DOCK4: variants seen among roughly 807,000 people sequenced by gnomAD.
The protein encoded by DOCK4 is dedicator of cytokinesis protein 4.
Under a neutral mutation model 268.1 loss-of-function variants are expected in DOCK4, and 97 were observed. The ratio of observed to expected loss-of-function variants is 0.36; its 90% CI spans 0.31 to 0.43. The LOEUF (loss-of-function observed/expected upper bound fraction) is 0.43. Among genes scored for constraint, DOCK4 ranks in the 20% least tolerant of loss-of-function variants. The probability of loss-of-function intolerance (pLI) is 1.00; values close to 1 mark genes in which losing one functional copy is unlikely to be tolerated. For missense variants in DOCK4, 2,145 were observed against 2,455.7 expected (o/e 0.87, Z 2.67); for synonymous variants, 954 against 887.2 (o/e 1.08, Z -1.34).
At chr7:111,929,895 T>G (rs538849522) in intron 12 of DOCK4, among the ~76,000 whole-genome samples, 1 of 152,326 alleles carries the variant, frequency 6.6e-6, no homozygotes, top group South Asian at 2.1e-4. Context: ...ATGAAAAGAC[T>G]TTGAAGTTTC....
rs1215419756 is a variant in DOCK4, at chr7:111,735,133, G to T, written c.5340C>A (p.Asp1780Glu). The T allele has an allele frequency of 1.3e-6, 2 of 1,598,076 alleles. No individual in the cohort carries two copies. The highest frequency in any genetic ancestry group is 1.7e-6 in the Non-Finnish European group (2 of 1,171,918). ...ACATGTTCTTGGCTTCCTTCCCACTGTCCAGGCTCCAGCTGCTAGGGGTGG... is the reference window on the plus strand; with the variant it reads ...ACATGTTCTTGGCTTCCTTCCCACTTTCCAGGCTCCAGCTGCTAGGGGTGG... ...VNPTPSSWSL[D>E]SGKEAKNMSD... The change falls in exon 51 of 53, where the codon GAC becomes GAA. Residue 1780 changes from aspartate (D) to glutamate (E), a missense_variant. Asp to Glu is a conservative substitution (Grantham distance 45). This residue lies in a region of DOCK4 where 547 missense variants were observed against 469.0 expected (regional missense o/e 1.17). Coordinates refer to ENST00000428084, the MANE Select transcript of DOCK4 (RefSeq NM_001363540.2).
intron 1 of DOCK4, among the ~76,000 whole-genome samples, chr7:112,028,071 C>G (rs182576764): frequency 6.6e-6 from 1 of 152,018 alleles, no homozygotes; most frequent in Admixed American, 6.5e-5. Flanking sequence ...TTTTAAATGA[C>G]GAAAAGGATA....
At chr7:112,099,609 A>C (rs1249643796) in intron 1 of DOCK4, among the ~76,000 whole-genome samples, 2 of 152,202 alleles carry the variant, frequency 1.3e-5, no homozygotes, top group East Asian at 1.9e-4. Flanking sequence ...AAAATTGATA[A>C]GTTGATTGAC....
chr7:112,052,464 C>A (rs983253207), intron 1 of DOCK4, among the ~76,000 whole-genome samples: 2 of 152,060 alleles, frequency 1.3e-5, no homozygotes, highest in Admixed American at 6.6e-5. Context: ...TTCTTCCCCC[C>A]CTCACTTCGG....
rs201030656 is a variant in DOCK4 at position 111,755,546 on chromosome 7, G to C, written c.4385C>G (p.Ser1462Cys). ...ACGCTTTTCCACTTCAAACCAGCGAGAGATGCCAGGCAAACTCTGCACCAA... is the reference window on the plus strand; with the variant it reads ...ACGCTTTTCCACTTCAAACCAGCGACAGATGCCAGGCAAACTCTGCACCAA... The part of the protein sequence containing the change: ...LYLVQSLPGI[S>C]RWFEVEKREV... Residue 1462 changes from serine to cysteine, a missense_variant, in exon 42 of 53, where the codon TCT becomes TGT. By Grantham distance (112) the Ser-to-Cys change is moderately radical. Transcript: ENST00000428084. 8 of 1,613,908 alleles carry C rather than the reference G, an allele frequency of 5.0e-6. No homozygotes were observed. In the Admixed American group the frequency reaches 8.3e-5, roughly 17 times the overall value.
intron 1 of DOCK4, among the ~76,000 whole-genome samples, chr7:112,170,302 TA>T (rs1359071196): frequency 6.7e-6 from 1 of 150,270 alleles, no homozygotes; most frequent in South Asian, 2.1e-4. Flanking sequence ...AATTTAAAAA[TA>T]AAAAAAAATT....
intron 41 of DOCK4, among the ~76,000 whole-genome samples, chr7:111,756,241 T>C (rs1797010558): frequency 6.6e-6 from 1 of 152,012 alleles, no homozygotes; most frequent in East Asian, 1.9e-4. Context: ...CCCAGCTACT[T>C]GGGAGGCTGA....
rs867637895 is a variant in DOCK4 at position 111,983,880 on chromosome 7, A to G, written c.549+426T>C. ...CGCGCGCGCACACACACACACACAC[A>G]CACACACTATATGTATATAGAGCTA... On this transcript the variant is annotated intron_variant, in intron 7 of 52. Transcript: ENST00000428084. Among the ~76,000 whole-genome samples, 1,229 of 151,552 alleles carry G rather than the reference A, an allele frequency of 8.1e-3. 18 individuals are homozygous for G. Among genetic ancestry groups the G allele is most frequent in the African/African-American group, 0.028 (1,170 of 41,238 alleles).
intron 4 of DOCK4, among the ~76,000 whole-genome samples, chr7:111,994,558 G>A (rs1799780572): frequency 6.6e-6 from 1 of 152,186 alleles, no homozygotes; most frequent in Non-Finnish European, 1.5e-5. Flanking sequence ...TCTGTAACAT[G>A]AGGTCACTGG....
chr7:112,104,145 T>C (rs1193925998), intron 1 of DOCK4, among the ~76,000 whole-genome samples: 1 of 152,182 alleles, frequency 6.6e-6, no homozygotes, highest in Non-Finnish European at 1.5e-5. Context: ...GAAAGATCTC[T>C]TTTTGCAGAG....
intron 1 of DOCK4, among the ~76,000 whole-genome samples, chr7:112,179,491 A>G (rs1039507076): frequency 3.3e-5 from 5 of 151,322 alleles, no homozygotes; most frequent in Non-Finnish European, 5.9e-5. Context: ...CAGGAGTTTC[A>G]GCAAAGCACC....
intron 1 of DOCK4, among the ~76,000 whole-genome samples, chr7:112,189,068 A>C (rs1160757579): frequency 6.6e-6 from 1 of 152,240 alleles, no homozygotes; most frequent in African/African-American, 2.4e-5. Flanking sequence ...CTAGTGAATA[A>C]GCCTATTCTA....
At chr7:112,181,473 T>C (rs925439417) in intron 1 of DOCK4, among the ~76,000 whole-genome samples, 1 of 151,782 alleles carries the variant, frequency 6.6e-6, no homozygotes, top group African/African-American at 2.4e-5. Context: ...CTGGGAAACA[T>C]ACTGAGACTC....
rs186971024 is a variant in DOCK4 at position 111,813,997 on chromosome 7, A to G, written c.2931-2048T>C. On this transcript the variant is annotated intron_variant, in intron 27 of 52. Transcript: ENST00000428084. ...TGCTTTGATGTTCAACGAGAAATAC[A>G]CACAGTCCCACTACACCTGGGGTTT... Among the ~76,000 whole-genome samples, 32 of 152,344 alleles carry G rather than the reference A, an allele frequency of 2.1e-4. No individual in the cohort carries two copies. In the East Asian group the frequency reaches 6.0e-3, roughly 28 times the overall value.
chr7:112,023,484 A>G (rs1802515745), intron 1 of DOCK4: 1 of 344,768 alleles, frequency 2.9e-6, no homozygotes, highest in South Asian at 2.4e-5. Context: ...ATAAAAACAC[A>G]TCCTTTGCTT....
chr7:111,776,049 TTCTG>T (rs1361910003), intron 36 of DOCK4, among the ~76,000 whole-genome samples: 3 of 152,320 alleles, frequency 2.0e-5, no homozygotes, highest in South Asian at 2.1e-4. Flanking sequence ...TAACAAGGAC[TTCTG>T]TCTGTTAAAA....
intron 17 of DOCK4, among the ~76,000 whole-genome samples, chr7:111,873,479 T>C (rs1018819438): frequency 1.3e-5 from 2 of 152,088 alleles, no homozygotes; most frequent in African/African-American, 2.4e-5. Context: ...CAGGGCTCAG[T>C]GGAGTTGCCA....
At chr7:112,203,318 A>G (rs1437191477) in intron 1 of DOCK4, among the ~76,000 whole-genome samples, 1 of 152,220 alleles carries the variant, frequency 6.6e-6, no homozygotes, top group Non-Finnish European at 1.5e-5. Flanking sequence ...TAAAATCAGA[A>G]CACTTATGAC....
chr7:111,783,933 G>T lies in DOCK4; in HGVS notation c.3448C>A (p.Arg1150=). ...ACGCCACTTTCCCGCCATGTTTCCC[G>T]CTCAATTTTCTTTAGTAGACTGGAA... ...PYPSLLKKIE[R]ETWRESGVSL... Residue 1150 remains arginine, a synonymous_variant, in exon 34 of 53, where the codon CGG becomes AGG. Transcript: ENST00000428084. The T allele has an allele frequency of 1.2e-6, 2 of 1,605,076 alleles. No homozygotes were observed. The highest frequency in any genetic ancestry group is 8.5e-7 in the Non-Finnish European group (1 of 1,175,588).
Sources: allele counts gnomAD v4.1 joint callset (sites outside exome capture counted in the v4.1 genomes callset), GRCh38; gene constraint gnomAD v4.1.1; regional missense constraint gnomAD v4.1.1; transcripts MANE v1.5; gene names NCBI Gene and HGNC (gene_info 2026-07-23, HGNC 2026-07-21).